The following KIF1B variants were observed in gnomAD, a reference collection of about 807,000 sequenced individuals.
KIF1B encodes the protein kinesin-like protein KIF1B.
KIF1B carries 76 observed loss-of-function variants against 241.9 expected under a neutral mutation model. The ratio of observed to expected loss-of-function variants is 0.31; its 90% confidence interval spans 0.26 to 0.38. The LOEUF (loss-of-function observed/expected upper bound fraction) is 0.38, where lower values mean the gene tolerates loss of function less well. Ranked by LOEUF, KIF1B falls within the 10% of genes least tolerant of loss-of-function variation. The pLI is 1.00. For synonymous variants in KIF1B, 750 were observed against 796.7 expected (o/e 0.94, Z 0.99); for missense variants, 1,622 against 2,271.4 (o/e 0.71, Z 5.81).
intron 1 of KIF1B, among the ~76,000 whole-genome samples, chr1:10,231,831 C>G (rs1174710291): frequency 1.3e-5 from 2 of 152,070 alleles, no homozygotes; most frequent in Non-Finnish European, 2.9e-5. Flanking sequence ...AGAGAGATAC[C>G]TGTTACTTTG....
At chr1:10,254,876 CAAAAAAA>C (rs1159193467) in intron 2 of KIF1B, among the ~76,000 whole-genome samples, 7 of 36,640 alleles carry the variant, frequency 1.9e-4, no homozygotes, top group African/African-American at 5.5e-4. Context: ...GACTCTGTCT[CAAAAAAA>C]AAAAAAAAAA....
intron 1 of KIF1B, among the ~76,000 whole-genome samples, chr1:10,217,648 T>C (rs1221039771): frequency 6.6e-6 from 1 of 152,150 alleles, no homozygotes; most frequent in Admixed American, 6.6e-5. Flanking sequence ...TGGAATACTT[T>C]TCCCCTGAAA....
chr1:10,353,677 G>A (rs1193025988), intron 38 of KIF1B, among the ~76,000 whole-genome samples: 1 of 152,170 alleles, frequency 6.6e-6, no homozygotes, highest in East Asian at 1.9e-4. Context: ...TTTGGACCAG[G>A]ATTAATTTCT....
chr1:10,278,941 G>A (rs1285124412), intron 13 of KIF1B, 156 bp from the exon 14 acceptor site: 4 of 509,992 alleles, frequency 7.8e-6, no homozygotes, highest in African/African-American at 1.9e-5. Context: ...ATTAGAGTCC[G>A]AGTTTAGATG....
At chr1:10,212,890 GTA>G (rs201066671) in intron 1 of KIF1B, among the ~76,000 whole-genome samples, 9,686 of 108,002 alleles carry the variant, frequency 0.09, 356 homozygotes, top group Non-Finnish European at 0.13. Context: ...ATGCGTGTGT[GTA>G]TATATATATA....
intron 1 of KIF1B, among the ~76,000 whole-genome samples, chr1:10,214,296 T>A (rs1401818058): frequency 2.1e-5 from 3 of 141,550 alleles, no homozygotes; most frequent in Non-Finnish European, 4.6e-5. Context: ...TCTTTCTTTC[T>A]TTTTTTTTTT....
rs1338057276 is a variant in KIF1B at position 10,374,465 on chromosome 1, G to A, written c.5096G>A (p.Ser1699Asn). ...LVPDIEEIRP[S>N]SVVSKKGYLH... ...CCAGATATTGAAGAAATTAGACCAA[G>A]GTGAGTACTATATTGAGCAGGAATG... is the stretch of plus-strand genomic sequence containing the variant. The change falls in exon 46 of 49, where the codon AGC becomes AAC. Residue 1699 changes from serine (S) to asparagine (N), a missense_variant and splice_region_variant. This residue lies in a region of KIF1B where 357 missense variants were observed against 409.0 expected (regional missense o/e 0.87). Coordinates refer to ENST00000676179, the MANE Select transcript of KIF1B (RefSeq NM_001365951.3). This position sits in a 1 kb window ranked among gnomAD's most constrained non-coding sequence, Gnocchi z 4.3. The A allele has an allele frequency of 6.2e-7, 1 of 1,614,060 alleles. No individual in the cohort carries two copies. Among genetic ancestry groups the A allele is most frequent in the African/African-American group, 1.3e-5 (1 of 74,914 alleles).
At chr1:10,265,817 T>C (rs1648428697) in intron 5 of KIF1B, among the ~76,000 whole-genome samples, 1 of 152,028 alleles carries the variant, frequency 6.6e-6, no homozygotes, top group Non-Finnish European at 1.5e-5. Flanking sequence ...GCCACTGCAC[T>C]CCAGCCTGGG....
intron 34 of KIF1B, among the ~76,000 whole-genome samples, chr1:10,345,205 C>T (rs573492476): frequency 1.3e-5 from 2 of 152,282 alleles, no homozygotes; most frequent in African/African-American, 4.8e-5. Flanking sequence ...AAATGTGTGA[C>T]ATAAGATCAT....
chr1:10,292,078 A>G lies in KIF1B; in HGVS notation c.1546A>G (p.Ile516Val). ...EALLAEMGVA[I>V]REDGGTLGVF... is the part of the protein sequence containing the mutation. ...TTTGTTGGCTGAGATGGGAGTTGCC[A>G]TTCGGGAAGATGGAGGAACCCTAGG... is the stretch of plus-strand genomic sequence containing the variant. The change falls in exon 17 of 49, where the codon ATT (isoleucine) becomes GTT (valine). Residue 516 changes from isoleucine (I) to valine (V), a missense_variant. Ile to Val is a conservative substitution (Grantham distance 29). Transcript: ENST00000676179. 1.9e-6 allele frequency: 3 copies of G among 1,614,046 alleles called. No homozygotes were observed. The highest frequency in any genetic ancestry group is 2.5e-6 in the Non-Finnish European group (3 of 1,179,982).
At chr1:10,263,047 G>A (rs1275993429) in intron 5 of KIF1B, among the ~76,000 whole-genome samples, 1 of 151,930 alleles carries the variant, frequency 6.6e-6, no homozygotes, top group Non-Finnish European at 1.5e-5. Context: ...CCAGCACTTC[G>A]GGAGGCGAAT....
Position 10,334,621 on chromosome 1 carries a change from C to T in KIF1B, c.3026C>T (p.Ala1009Val). ...GAAGTGCGGGGATTTCTGCGTGTGGCTGTACAGGCCATCGCAGGTAGGTGA... is the reference window on the plus strand; with the variant it reads ...GAAGTGCGGGGATTTCTGCGTGTGGTTGTACAGGCCATCGCAGGTAGGTGA... ...KGEVRGFLRV[A>V]VQAIAADEEA... Residue 1009 changes from alanine to valine, a missense_variant, in exon 28 of 49, where the codon GCT becomes GTT. Ala to Val is a moderately conservative substitution (Grantham distance 64). Transcript: ENST00000676179. The T allele has an allele frequency of 6.2e-7, 1 of 1,613,412 alleles. No homozygotes were observed. The highest frequency in any genetic ancestry group is 8.5e-7 in the Non-Finnish European group (1 of 1,179,388).
Position 10,380,766 on chromosome 1 carries a change from A to G in KIF1B, c.*4179A>G, listed in dbSNP as rs184935521. 1.1e-4 allele frequency: 25 copies of G among 217,478 alleles called. 1 individual carries two copies. The highest frequency in any genetic ancestry group is 2.3e-4 in the African/African-American group (10 of 44,436). 13.5% of individuals were successfully genotyped at this position (217,478 alleles called of 1,614,324 possible). A position where few individuals can be genotyped will look rare whatever the true frequency, so the allele number is the denominator to read the frequency against. On this transcript the variant is annotated 3_prime_UTR_variant, in exon 49 of 49. Transcript: ENST00000676179. The stretch of plus-strand genomic sequence containing the variant: ...CAGAAGGTTTGCTGGATGTGTTTAC[A>G]TAGGACTCTAACTTGTGTGCACTAC...
chr1:10,295,995 A>G (rs1049618868), intron 19 of KIF1B, among the ~76,000 whole-genome samples: 6 of 152,234 alleles, frequency 3.9e-5, no homozygotes, highest in Non-Finnish European at 7.3e-5. Context: ...TGAGAAGGAC[A>G]TAGGCAATTA....
rs1220823363 is a variant in KIF1B, at chr1:10,365,670, C to A, written c.4752+22C>A. On this transcript the variant is annotated intron_variant, in intron 43 of 48. Coordinates refer to ENST00000676179, the MANE Select transcript of KIF1B (RefSeq NM_001365951.3). The surrounding 1 kb of genome is among the most constrained non-coding windows in gnomAD (Gnocchi z 4.0). ...CAAGGTGTGAATCCCTTCCTCTTTG[C>A]TGAACGTCTTCCCACAAGGCTCCAC... is the stretch of plus-strand genomic sequence containing the variant. 6.2e-7 allele frequency: 1 copy of A among 1,613,748 alleles called. No individual in the cohort carries two copies. The highest frequency in any genetic ancestry group is 2.2e-5 in the East Asian group (1 of 44,886).
At position 10,296,958 on chromosome 1, in the gene KIF1B, A is replaced by C; in HGVS notation, c.1923A>C (p.Arg641=). ...VFRFNHPEQA[R]AEREKTPSAE... is the part of the protein sequence containing the mutation. ...GCTTTAACCACCCGGAACAAGCACG[A>C]GCTGAGCGAGAGAAGACTCCTTCTG... is the stretch of plus-strand genomic sequence containing the variant. The change falls in exon 21 of 49, where the codon CGA becomes CGC. Residue 641 remains arginine (R), a synonymous_variant. Coordinates refer to ENST00000676179, the MANE Select transcript of KIF1B (RefSeq NM_001365951.3). The C allele has an allele frequency of 6.2e-7, 1 of 1,614,134 alleles. No homozygotes were observed. Among genetic ancestry groups the C allele is most frequent in the Non-Finnish European group, 8.5e-7 (1 of 1,180,008 alleles).
At chr1:10,307,581 A>T in intron 22 of KIF1B, 1 of 989,124 alleles carries the variant, frequency 1.0e-6, no homozygotes. Flanking sequence ...AAGTGCTGAG[A>T]TTACAGGCGT....
rs1044374932 is a variant in KIF1B at position 10,227,280 on chromosome 1, A to G, written c.-79-4970A>G. Among the ~76,000 whole-genome samples, 7 of 152,066 alleles carry G rather than the reference A, an allele frequency of 4.6e-5. No homozygotes were observed. The East Asian group carries it at 7.8e-4, about 17-fold the overall frequency. ...GATTTCTTGACCTCGTGATCTACCC[A>G]TCTCAGCCTCCCAAAGTGCCAGGAT... On this transcript the variant is annotated intron_variant, in intron 1 of 48. Coordinates refer to ENST00000676179, the MANE Select transcript of KIF1B (RefSeq NM_001365951.3).
In KIF1B at chr1:10,379,154, G is replaced by C. The variant is rs750420134; in HGVS notation, c.*2567G>C. 3.7e-4 allele frequency: 85 copies of C among 232,316 alleles called. No homozygotes were observed. Among genetic ancestry groups the C allele is most frequent in the Non-Finnish European group, 6.0e-4 (70 of 117,218 alleles). The allele number at this position is 232,316 out of a possible 1,614,324, so 14.4% of individuals were successfully genotyped here. A position where few individuals can be genotyped will look rare whatever the true frequency, so the allele number is the denominator to read the frequency against. ...GATGCTGCTGTTACAGAGTGTGACA[G>C]AGGATCCATGTCTGTGACACAGGAC... On this transcript the variant is annotated 3_prime_UTR_variant, in exon 49 of 49. Transcript: ENST00000676179.
Sources: gnomAD v4.1 joint callset for allele counts (sites outside exome capture counted in the v4.1 genomes callset) on GRCh38, gnomAD v4.1.1 for gene constraint, gnomAD v4.1.1 regional missense constraint, Gnocchi (gnomAD v3.1) non-coding constraint, MANE v1.5 for transcripts, NCBI Gene and HGNC (gene_info 2026-07-23, HGNC 2026-07-21) for gene names.